KAZALD1: variants seen among roughly 807,000 people sequenced by gnomAD.
The protein encoded by KAZALD1 is Kazal type serine peptidase inhibitor domain 1.
Under a neutral mutation model 27.7 loss-of-function variants are expected in KAZALD1, and 31 were observed. That is an observed-to-expected ratio of 1.12 (90% CI 0.84 to 1.51). KAZALD1 has a LOEUF of 1.51. Among genes scored for constraint, KAZALD1 ranks in the 40% most tolerant of loss-of-function variants. The probability of loss-of-function intolerance (pLI) is 0.00; values close to 1 mark genes in which losing one functional copy is unlikely to be tolerated. For synonymous variants in KAZALD1, 179 were observed against 182.0 expected, an observed-to-expected ratio of 0.98 and a Z score of 0.13; for missense variants, 444 against 408.9, an observed-to-expected ratio of 1.09 and a Z score of -0.74.
rs1263278643 is a variant in KAZALD1 at position 101,062,591 on chromosome 10, C to G, written c.-2C>G. On this transcript the variant is annotated 5_prime_UTR_variant, in exon 2 of 5. Coordinates refer to ENST00000370200, the MANE Select transcript of KAZALD1 (RefSeq NM_030929.5). The stretch of plus-strand genomic sequence containing the variant: ...GAGTGCTCGCAGGGCTTCCCGCTAA[C>G]CATGCTGCCGCCGCCGCGGCCCGCA... 2 of 1,585,434 alleles carry G rather than the reference C, an allele frequency of 1.3e-6. No individual in the cohort carries two copies. Among genetic ancestry groups the G allele is most frequent in the South Asian group, 2.2e-5 (2 of 90,088 alleles).
rs1417315044 is a variant in KAZALD1, at chr10:101,062,831, G to A, written c.239G>A (p.Trp80Ter). 3 of 1,589,870 alleles carry A rather than the reference G, an allele frequency of 1.9e-6. No individual in the cohort carries two copies. Among genetic ancestry groups the A allele is most frequent in the South Asian group, 1.1e-5 (1 of 90,036 alleles). ...GTGCGCGACGCGTGCGGCTGCTGCT[G>A]GGAATGCGCCAACCTCGAGGGCCAG... is the stretch of plus-strand genomic sequence containing the variant. ...GRVRDACGCC[W>*]ECANLEGQLC... The change falls in exon 2 of 5, where the codon TGG (tryptophan) becomes TAG (stop). Residue 80 changes from tryptophan (W) to a stop codon, truncating the protein, a stop_gained. Transcript: ENST00000370200. LOFTEE classifies it high-confidence loss of function.
downstream of KAZALD1, chr10:101,067,144 G>C: frequency 2.6e-6 from 1 of 384,642 alleles, no homozygotes; most frequent in Admixed American, 2.9e-5. Context: ...CAGGGGAGGG[G>C]GAGGGAGGGG....
In KAZALD1 at chr10:101,064,994, G is replaced by A. The variant is rs927974722; in HGVS notation, c.*74G>A. 2.8e-6 allele frequency: 3 copies of A among 1,083,460 alleles called. No individual in the cohort carries two copies. The African/African-American group carries it at 4.7e-5, about 17-fold the overall frequency. 67.1% of individuals were successfully genotyped at this position (1,083,460 alleles called of 1,614,324 possible). The stretch of plus-strand genomic sequence containing the variant: ...CCCTGCTCTTGAAAAGACCTGGAAA[G>A]GGGAGCAGGGTCCCTTCATCGACTG... On this transcript the variant is annotated 3_prime_UTR_variant, in exon 5 of 5. Transcript: ENST00000370200.
intron 2 of KAZALD1, among the ~76,000 whole-genome samples, chr10:101,063,384 G>A (rs1939223648): frequency 6.6e-6 from 1 of 152,162 alleles, no homozygotes; most frequent in Non-Finnish European, 1.5e-5. Context: ...GGAGAGACAG[G>A]TCCTCTGAGG....
In KAZALD1 at chr10:101,063,120, G is replaced by C. The variant is rs1403988174; in HGVS notation, c.511+17G>C. 6.6e-7 allele frequency: 1 copy of C among 1,520,508 alleles called. No individual in the cohort carries two copies. Among genetic ancestry groups the C allele is most frequent in the Admixed American group, 2.0e-5 (1 of 50,768 alleles). The allele number at this position is 1,520,508 out of a possible 1,614,324, so 94.2% of individuals were successfully genotyped here. On this transcript the variant is annotated intron_variant, in intron 2 of 4. Transcript: ENST00000370200. Reference sequence around the variant, plus strand: ...GCGAATCGGGTACGCATGGCCCGGGGCCCCCACCCCAGCACTTAGGTTTCC... The same window carrying C: ...GCGAATCGGGTACGCATGGCCCGGGCCCCCCACCCCAGCACTTAGGTTTCC...
chr10:101,062,897 G>T lies in KAZALD1; in HGVS notation c.305G>T (p.Cys102Phe). 6.2e-7 allele frequency: 1 copy of T among 1,603,306 alleles called. No individual in the cohort carries two copies. The highest frequency in any genetic ancestry group is 8.5e-7 in the Non-Finnish European group (1 of 1,179,694). Residue 102 changes from cysteine to phenylalanine, a missense_variant, in exon 2 of 5, where the codon TGC becomes TTC. Cys to Phe is a radical substitution (Grantham distance 205). Coordinates refer to ENST00000370200, the MANE Select transcript of KAZALD1 (RefSeq NM_030929.5). Reference protein sequence around the residue: ...LDPSAHFYGHCGEQLECRLDT... With the variant: ...LDPSAHFYGHFGEQLECRLDT... ...CCCAGTGCTCACTTCTACGGGCACTGCGGCGAGCAGCTTGAGTGCCGGCTG... is the reference window on the plus strand; with the variant it reads ...CCCAGTGCTCACTTCTACGGGCACTTCGGCGAGCAGCTTGAGTGCCGGCTG...
Position 101,064,623 on chromosome 10 carries a change from T to C in KAZALD1, c.795T>C (p.Pro265=). The C allele has an allele frequency of 1.2e-6, 2 of 1,613,750 alleles. No homozygotes were observed. The highest frequency in any genetic ancestry group is 1.3e-5 in the African/African-American group (1 of 75,048). The change falls in exon 4 of 5, where the codon CCT becomes CCC. Residue 265 remains proline, a synonymous_variant. Transcript: ENST00000370200. The part of the protein sequence containing the change: ...GRNALGQVEA[P]ASLTVLTPDQ... ...ATGCCCTGGGTCAAGTGGAGGCCCC[T>C]GCTAGCTTGACAGTGCTCACACCTG...
Position 101,063,002 on chromosome 10 carries a change from C to A in KAZALD1, c.410C>A (p.Ser137Tyr). The change falls in exon 2 of 5, where the codon TCC becomes TAC. Residue 137 changes from serine (S) to tyrosine (Y), a missense_variant. Coordinates refer to ENST00000370200, the MANE Select transcript of KAZALD1 (RefSeq NM_030929.5). ...ACRSQSPLCGSDGHTYSQICR... is the reference protein window; with the variant it reads ...ACRSQSPLCGYDGHTYSQICR... ...CGTTCGCAGAGTCCGCTCTGCGGGT[C>A]CGACGGTCACACCTACTCCCAGATC... 1 of 1,600,422 alleles carries A rather than the reference C, an allele frequency of 6.2e-7. No individual in the cohort carries two copies. The highest frequency in any genetic ancestry group is 8.5e-7 in the Non-Finnish European group (1 of 1,179,146).
rs758419841 is a variant in KAZALD1, at chr10:101,063,000, G to A, written c.408G>A (p.Gly136=). The A allele has an allele frequency of 5.3e-5, 85 of 1,600,432 alleles. 2 individuals are homozygous for A. In the South Asian group the frequency reaches 9.3e-4, roughly 18 times the overall value. ...GTCGTTCGCAGAGTCCGCTCTGCGG[G>A]TCCGACGGTCACACCTACTCCCAGA... is the stretch of plus-strand genomic sequence containing the variant. ...CACRSQSPLC[G]SDGHTYSQIC... Residue 136 remains glycine (G), a synonymous_variant, in exon 2 of 5, where the codon GGG becomes GGA. Transcript: ENST00000370200.
chr10:101,064,165 CA>C, intron 2 of KAZALD1, 95 bp from the exon 3 acceptor site: 1 of 1,336,420 alleles, frequency 7.5e-7, no homozygotes. Context: ...TGTTCTGCCA[CA>C]AGCATGTCCA....
chr10:101,064,959 T>C lies in KAZALD1; in HGVS notation c.*39T>C. 3 of 1,432,978 alleles carry C rather than the reference T, an allele frequency of 2.1e-6. No individual in the cohort carries two copies. Among genetic ancestry groups the C allele is most frequent in the South Asian group, 1.1e-5 (1 of 87,180 alleles). The allele number at this position is 1,432,978 out of a possible 1,614,324, so 88.8% of individuals were successfully genotyped here. A position where few individuals can be genotyped will look rare whatever the true frequency, so the allele number is the denominator to read the frequency against. ...GCCCATGGGGGTGGGTGAGCGGCTATAGTGTTCATCCCTGCTCTTGAAAAG... is the reference window on the plus strand; with the variant it reads ...GCCCATGGGGGTGGGTGAGCGGCTACAGTGTTCATCCCTGCTCTTGAAAAG... On this transcript the variant is annotated 3_prime_UTR_variant, in exon 5 of 5. Coordinates refer to ENST00000370200, the MANE Select transcript of KAZALD1 (RefSeq NM_030929.5).
In KAZALD1 at chr10:101,066,357, C is replaced by G; in HGVS notation, c.*1437C>G. On this transcript the variant is annotated 3_prime_UTR_variant, in exon 5 of 5. Coordinates refer to ENST00000370200, the MANE Select transcript of KAZALD1 (RefSeq NM_030929.5). ...TCCGGAACTCCAACCCCAGGTCCTG[C>G]TTGGCCGCCCCTCCCGCGGCTACGC... is the stretch of plus-strand genomic sequence containing the variant. 2.2e-6 allele frequency: 1 copy of G among 456,252 alleles called. No homozygotes were observed. Among genetic ancestry groups the G allele is most frequent in the Admixed American group, 2.4e-5 (1 of 42,546 alleles). The allele number at this position is 456,252 out of a possible 1,614,324, so 28.3% of individuals were successfully genotyped here.
downstream of KAZALD1, chr10:101,067,705 T>C: frequency 2.8e-6 from 1 of 352,378 alleles, no homozygotes; most frequent in Non-Finnish European, 5.7e-6. Context: ...TAACTGAGGG[T>C]GTCCTGGCGA....
chr10:101,066,307 G>A lies in KAZALD1; in HGVS notation c.*1387G>A, dbSNP rs567087515. The A allele has an allele frequency of 6.8e-6, 3 of 443,556 alleles. No individual in the cohort carries two copies. The highest frequency in any genetic ancestry group is 7.1e-5 in the East Asian group (1 of 14,100). The allele number at this position is 443,556 out of a possible 1,614,324, so 27.5% of individuals were successfully genotyped here. On this transcript the variant is annotated 3_prime_UTR_variant, in exon 5 of 5. Coordinates refer to ENST00000370200, the MANE Select transcript of KAZALD1 (RefSeq NM_030929.5). Reference sequence around the variant, plus strand: ...TGTCCTCTGGGGCCCAACGCAGGGAGCCTGGCCACATGGGAGGGGTGTGGT... The same window carrying A: ...TGTCCTCTGGGGCCCAACGCAGGGAACCTGGCCACATGGGAGGGGTGTGGT...
At chr10:101,067,427 A>T (rs1939352378), downstream of KAZALD1, 3 of 411,046 alleles carry the variant, frequency 7.3e-6, no homozygotes, top group Non-Finnish European at 1.5e-5. Context: ...GAGTCCGGAC[A>T]AACCGGGGCA....
rs1340125565 is a variant in KAZALD1 at position 101,066,565 on chromosome 10, C to A, written c.*1645C>A. ...ATCAGAGGGGTAGGCGGGGGTGGGG[C>A]GTGCTGTTCGGCGCTGTGGCCAAAA... is the stretch of plus-strand genomic sequence containing the variant. On this transcript the variant is annotated 3_prime_UTR_variant, in exon 5 of 5. Transcript: ENST00000370200. 4 of 443,838 alleles carry A rather than the reference C, an allele frequency of 9.0e-6. No individual in the cohort carries two copies. Among genetic ancestry groups the A allele is most frequent in the Admixed American group, 2.4e-5 (1 of 42,092 alleles). 27.5% of individuals were successfully genotyped at this position (443,838 alleles called of 1,614,324 possible). A position where few individuals can be genotyped will look rare whatever the true frequency, so the allele number is the denominator to read the frequency against.
downstream of KAZALD1, chr10:101,067,251 G>C (rs2134248544): frequency 2.2e-6 from 1 of 456,692 alleles, no homozygotes; most frequent in Non-Finnish European, 4.4e-6. Flanking sequence ...GTCCTAGGTT[G>C]CTCACACCCG....
In KAZALD1 at chr10:101,063,238, A is replaced by C. The variant is rs2134240773; in HGVS notation, c.511+135A>C. On this transcript the variant is annotated intron_variant, in intron 2 of 4. Transcript: ENST00000370200. The stretch of plus-strand genomic sequence containing the variant: ...ATAGAGGCCTCGAGTCCAGTATAAA[A>C]CCCTGCTCTCGCTACTGGTTCATAA... The C allele has an allele frequency of 4.1e-6, 3 of 722,958 alleles. No homozygotes were observed. In the East Asian group the frequency reaches 9.7e-5, roughly 23 times the overall value. 44.8% of individuals were successfully genotyped at this position (722,958 alleles called of 1,614,324 possible).
At position 101,064,657 on chromosome 10, in the gene KAZALD1, A is replaced by T; in HGVS notation, c.820+9A>T. On this transcript the variant is annotated intron_variant, in intron 4 of 4. Coordinates refer to ENST00000370200, the MANE Select transcript of KAZALD1 (RefSeq NM_030929.5). ...GACAGTGCTCACACCTGGTAAGGGG[A>T]TTCCTGAGTTCTGGGGGTTGGGGGG... 6.2e-7 allele frequency: 1 copy of T among 1,613,266 alleles called. No individual in the cohort carries two copies. The highest frequency in any genetic ancestry group is 1.1e-5 in the South Asian group (1 of 91,044).
Sources: gnomAD v4.1 joint callset for allele counts (sites outside exome capture counted in the v4.1 genomes callset) on GRCh38, gnomAD v4.1.1 for gene constraint, MANE v1.5 for transcripts, NCBI Gene and HGNC (gene_info 2026-07-23, HGNC 2026-07-21) for gene names.